The following ERBB4 variants were observed in gnomAD, a reference collection of about 807,000 sequenced individuals.
ERBB4 encodes receptor tyrosine-protein kinase erbB-4.
A neutral mutation model predicts 158.0 loss-of-function variants in ERBB4; 42 were observed. The observed-to-expected ratio is 0.27, with a 90% CI of 0.21 to 0.34. The LOEUF is 0.34. Ranked by LOEUF, ERBB4 falls within the 10% of genes least tolerant of loss-of-function variation. The pLI, the probability that ERBB4 is intolerant of heterozygous loss-of-function variation, is 1.00. For missense variants in ERBB4, 1,333 were observed against 1,624.1 expected, an observed-to-expected ratio of 0.82 and a Z score of 3.08; for synonymous variants, 583 against 558.7, an observed-to-expected ratio of 1.04 and a Z score of -0.61.
intron 1 of ERBB4, among the ~76,000 whole-genome samples, chr2:212,388,631 G>A (rs564882010): frequency 9.9e-5 from 15 of 152,046 alleles, no homozygotes; most frequent in Non-Finnish European, 1.8e-4. Flanking sequence ...CAAAAAAATG[G>A]ACTGAACCTA....
chr2:211,859,721 A>T (rs1412188529), intron 3 of ERBB4, among the ~76,000 whole-genome samples: 1 of 152,122 alleles, frequency 6.6e-6, no homozygotes, highest in Non-Finnish European at 1.5e-5. Flanking sequence ...CAATCTGCTC[A>T]TTATCTCATA....
intron 1 of ERBB4, among the ~76,000 whole-genome samples, chr2:212,235,248 C>T (rs1574489371): frequency 6.6e-6 from 1 of 152,144 alleles, no homozygotes; most frequent in South Asian, 2.1e-4. Flanking sequence ...TTCCCCATTG[C>T]TTGCTTTTAT....
chr2:212,279,162 T>A (rs1198109383), intron 1 of ERBB4, among the ~76,000 whole-genome samples: 1 of 151,594 alleles, frequency 6.6e-6, no homozygotes, highest in Admixed American at 6.6e-5. Flanking sequence ...AGAGTAGAAT[T>A]AATGAAATTT....
intron 16 of ERBB4, among the ~76,000 whole-genome samples, chr2:211,653,396 T>G (rs1396678571): frequency 2.0e-5 from 3 of 152,046 alleles, no homozygotes; most frequent in Non-Finnish European, 4.4e-5. Flanking sequence ...AGAATAACAT[T>G]GCTTAGAAAA....
At chr2:212,199,273 T>C (rs556051753) in intron 1 of ERBB4, among the ~76,000 whole-genome samples, 22 of 152,350 alleles carry the variant, frequency 1.4e-4, no homozygotes, top group South Asian at 2.1e-4. Flanking sequence ...CTTTCTTTCA[T>C]ATTGTTCTAT....
At chr2:211,501,290 G>T (rs13032896) in intron 20 of ERBB4, among the ~76,000 whole-genome samples, 24,889 of 151,288 alleles carry the variant, frequency 0.16, 2,388 homozygotes, top group East Asian at 0.38. Flanking sequence ...ACCACAATAG[G>T]GCTACCATAA....
intron 20 of ERBB4, among the ~76,000 whole-genome samples, chr2:211,549,189 T>C (rs1004634059): frequency 2.6e-5 from 4 of 152,136 alleles, no homozygotes; most frequent in South Asian, 4.1e-4. Context: ...TACTGCAAGA[T>C]GTAAAATTGC....
In ERBB4 at chr2:212,008,422, C is replaced by T. The variant is rs115019428; in HGVS notation, c.235-60806G>A. Among the ~76,000 whole-genome samples, 98 of 152,078 alleles carry T rather than the reference C, an allele frequency of 6.4e-4. 1 individual carries two copies. Among genetic ancestry groups the T allele is most frequent in the African/African-American group, 2.3e-3 (96 of 41,534 alleles). ...ATCATATTATCATTACGTTGGACAC[C>T]AAGGACATGAAGATGAATTAAATAT... On this transcript the variant is annotated intron_variant, in intron 2 of 27. Coordinates refer to ENST00000342788, the MANE Select transcript of ERBB4 (RefSeq NM_005235.3).
At chr2:212,233,064 G>A (rs2083724669) in intron 1 of ERBB4, among the ~76,000 whole-genome samples, 1 of 152,086 alleles carries the variant, frequency 6.6e-6, no homozygotes, top group African/African-American at 2.4e-5. Context: ...ATACAAGTTG[G>A]GTAGGTCCAA....
intron 1 of ERBB4, among the ~76,000 whole-genome samples, chr2:212,391,322 T>A (rs988715101): frequency 6.6e-6 from 1 of 151,692 alleles, no homozygotes; most frequent in Non-Finnish European, 1.5e-5. Context: ...AATAGTAAAC[T>A]ATATCTTTAA....
chr2:211,743,309 G>T (rs1022732911), intron 5 of ERBB4, among the ~76,000 whole-genome samples: 1 of 152,100 alleles, frequency 6.6e-6, no homozygotes, highest in Non-Finnish European at 1.5e-5. Flanking sequence ...AAATCAAACT[G>T]TAATGTTTGG....
chr2:211,825,151 C>CT (rs537642764), intron 3 of ERBB4, among the ~76,000 whole-genome samples: 5 of 151,504 alleles, frequency 3.3e-5, no homozygotes, highest in Non-Finnish European at 5.9e-5. Context: ...TCAAAAATCA[C>CT]TTTTTTTTCA....
intron 1 of ERBB4, among the ~76,000 whole-genome samples, chr2:212,435,747 A>T (rs2092123024): frequency 6.6e-6 from 1 of 151,930 alleles, no homozygotes. Flanking sequence ...TATTATTTAG[A>T]TAAGAAAACA....
intron 2 of ERBB4, among the ~76,000 whole-genome samples, chr2:212,034,125 A>C (rs1333893780): frequency 6.6e-6 from 1 of 151,858 alleles, no homozygotes; most frequent in Non-Finnish European, 1.5e-5. Flanking sequence ...TGTATACATA[A>C]TAAAGATAAT....
chr2:211,692,163 T>C (rs1250090436), intron 12 of ERBB4, among the ~76,000 whole-genome samples: 1 of 152,184 alleles, frequency 6.6e-6, no homozygotes, highest in Non-Finnish European at 1.5e-5. Context: ...GTGAATGCTC[T>C]TAGCATATGC....
chr2:211,830,568 T>C (rs966840306), intron 3 of ERBB4, among the ~76,000 whole-genome samples: 1 of 152,198 alleles, frequency 6.6e-6, no homozygotes, highest in Non-Finnish European at 1.5e-5. Context: ...GTTAACTTTA[T>C]AGTAGCTTCT....
chr2:212,133,398 T>G (rs1386355455), intron 1 of ERBB4, among the ~76,000 whole-genome samples: 1 of 146,300 alleles, frequency 6.8e-6, no homozygotes, highest in South Asian at 2.1e-4. Context: ...ATTTTGGTGT[T>G]TTTTTTTTGT....
At chr2:211,504,600 G>A (rs2065698997) in intron 20 of ERBB4, among the ~76,000 whole-genome samples, 1 of 152,018 alleles carries the variant, frequency 6.6e-6, no homozygotes, top group African/African-American at 2.4e-5. Flanking sequence ...CTCTAGCAAT[G>A]GATCCTAACC....
intron 1 of ERBB4, among the ~76,000 whole-genome samples, chr2:212,156,526 T>C (rs141217011): frequency 2.3e-4 from 35 of 152,266 alleles, no homozygotes; most frequent in African/African-American, 7.5e-4. Context: ...CCTATAATTG[T>C]ATTCAGTATT....
Sources: allele counts gnomAD v4.1 joint callset (sites outside exome capture counted in the v4.1 genomes callset), GRCh38; gene constraint gnomAD v4.1.1; transcripts MANE v1.5; gene names NCBI Gene and HGNC (gene_info 2026-07-23, HGNC 2026-07-21).